The following RGS7 variants were observed in gnomAD, a reference collection of about 807,000 sequenced individuals.
RGS7 encodes regulator of G-protein signaling 7.
A neutral mutation model predicts 81.1 loss-of-function variants in RGS7; 27 were observed. The ratio of observed to expected loss-of-function variants is 0.33; its 90% CI spans 0.25 to 0.46. RGS7 has a LOEUF of 0.46. Ranked by LOEUF, RGS7 falls within the 20% of genes least tolerant of loss-of-function variation. The probability of loss-of-function intolerance (pLI) is 1.00; values close to 1 mark genes in which losing one functional copy is unlikely to be tolerated. For missense variants in RGS7, 396 were observed against 607.4 expected, an observed-to-expected ratio of 0.65 and a Z score of 3.66; for synonymous variants, 208 against 207.7, an observed-to-expected ratio of 1.00 and a Z score of -0.01.
intron 4 of RGS7, among the ~76,000 whole-genome samples, chr1:240,944,075 T>A (rs1678061951): frequency 6.6e-6 from 1 of 151,826 alleles, no homozygotes; most frequent in African/African-American, 2.4e-5. Context: ...AGTTATGACA[T>A]CTTAGGCATT....
At chr1:241,200,980 T>G (rs2073458260) in intron 2 of RGS7, among the ~76,000 whole-genome samples, 1 of 152,220 alleles carries the variant, frequency 6.6e-6, no homozygotes, top group South Asian at 2.1e-4. Context: ...CTTCAAGTCC[T>G]GTTGATACAT....
chr1:241,327,880 T>C (rs2081708831), intron 2 of RGS7, among the ~76,000 whole-genome samples: 1 of 152,186 alleles, frequency 6.6e-6, no homozygotes, highest in Non-Finnish European at 1.5e-5. Flanking sequence ...CAATTTTTGA[T>C]AGAAAAAGGC....
chr1:241,264,892 G>GA (rs1235974831), intron 2 of RGS7, among the ~76,000 whole-genome samples: 1 of 152,130 alleles, frequency 6.6e-6, no homozygotes, highest in Non-Finnish European at 1.5e-5. Context: ...TGACATCTTG[G>GA]AAAAAACAGG....
chr1:240,959,923 G>A (rs1280294787), intron 4 of RGS7, among the ~76,000 whole-genome samples: 1 of 152,038 alleles, frequency 6.6e-6, no homozygotes, highest in African/African-American at 2.4e-5. Context: ...ACTTTGGGAG[G>A]CTGAGGTGGG....
chr1:240,962,809 T>C (rs374478560), intron 4 of RGS7, among the ~76,000 whole-genome samples: 2 of 152,292 alleles, frequency 1.3e-5, no homozygotes, highest in East Asian at 3.9e-4. Flanking sequence ...AGGGATATAA[T>C]GTCATTTGAG....
chr1:241,081,655 T>A (rs2063140532), intron 3 of RGS7, among the ~76,000 whole-genome samples: 1 of 152,246 alleles, frequency 6.6e-6, no homozygotes, highest in Admixed American at 6.5e-5. Flanking sequence ...CAGGTTCCCA[T>A]GTAGGGATGA....
intron 9 of RGS7, among the ~76,000 whole-genome samples, chr1:240,830,247 G>T (rs1238596481): frequency 1.3e-5 from 2 of 152,234 alleles, no homozygotes; most frequent in Non-Finnish European, 2.9e-5. Flanking sequence ...AGGCACAGAA[G>T]ATCTAAGAAT....
At chr1:241,187,775 T>C (rs1244367306) in intron 2 of RGS7, among the ~76,000 whole-genome samples, 1 of 152,224 alleles carries the variant, frequency 6.6e-6, no homozygotes, top group Non-Finnish European at 1.5e-5. Flanking sequence ...AAAGTTACTT[T>C]CTATGGCTAG....
intron 2 of RGS7, among the ~76,000 whole-genome samples, chr1:241,100,143 A>C (rs2064610433): frequency 6.6e-6 from 1 of 152,090 alleles, no homozygotes; most frequent in African/African-American, 2.4e-5. Context: ...TGGGAGGCCG[A>C]GGCGGGCGGA....
rs143103795 is a variant in RGS7, at chr1:240,868,117, G to GAAAGAAAGAAAGAAAGAAA, written c.609+469_609+470insTTTCTTTCTTTCTTTCTTT. Among the ~76,000 whole-genome samples, 1 of 122,444 alleles carries GAAAGAAAGAAAGAAAGAAA rather than the reference G, an allele frequency of 8.2e-6. No homozygotes were observed. The highest frequency in any genetic ancestry group is 4.0e-5 in the African/African-American group (1 of 24,730). 80.3% of individuals were successfully genotyped at this position (122,444 alleles called of 152,430 possible). A position where few individuals can be genotyped will look rare whatever the true frequency, so the allele number is the denominator to read the frequency against. On this transcript the variant is annotated intron_variant, in intron 9 of 18. Transcript: ENST00000440928. The surrounding 1 kb of genome is among the most constrained non-coding windows in gnomAD (Gnocchi z 5.1). ...GAAAAGAAAAAGAAAGAAAAGAAAA[G>GAAAGAAAGAAAGAAAGAAA]GAAAGAAAGAAAGAAAGAAAGAAAG...
At position 241,329,026 on chromosome 1, in the gene RGS7, T is replaced by C. The variant is rs181746207; in HGVS notation, c.78+26673A>G. Reference sequence around the variant, plus strand: ...ATAATGTTTTCTTTCATTTTCCATATGGGCAACATAAAGGAGTGAAAATAA... The same window carrying C: ...ATAATGTTTTCTTTCATTTTCCATACGGGCAACATAAAGGAGTGAAAATAA... On this transcript the variant is annotated intron_variant, in intron 2 of 18. Coordinates refer to ENST00000440928, the MANE Select transcript of RGS7 (RefSeq NM_001364886.1). 6.9e-4 allele frequency among the ~76,000 whole-genome samples: 105 copies of C among 152,352 alleles called. 1 individual carries two copies. Among genetic ancestry groups the C allele is most frequent in the Admixed American group, 2.0e-3 (30 of 15,306 alleles).
intron 3 of RGS7, among the ~76,000 whole-genome samples, chr1:241,083,073 A>G (rs185615394): frequency 1.6e-4 from 24 of 152,032 alleles, no homozygotes; most frequent in Admixed American, 3.9e-4. Context: ...AAAAATACAA[A>G]AATTAGTCAG....
chr1:240,814,633 C>G, intron 12 of RGS7, 83 bp downstream of exon 12: 1 of 858,450 alleles, frequency 1.2e-6, no homozygotes, highest in Non-Finnish European at 2.0e-6. Flanking sequence ...CAACTCCTGT[C>G]CCCACAGTTC....
chr1:241,078,485 ATG>A (rs60742879), intron 3 of RGS7, among the ~76,000 whole-genome samples: 44 of 143,508 alleles, frequency 3.1e-4, no homozygotes, highest in Admixed American at 4.9e-4. Context: ...CACGTAAGTT[ATG>A]TGTGTGTGTG....
intron 2 of RGS7, among the ~76,000 whole-genome samples, chr1:241,172,532 TC>T (rs1322577464): frequency 6.6e-6 from 1 of 152,080 alleles, no homozygotes; most frequent in Non-Finnish European, 1.5e-5. Context: ...AAGATACCAT[TC>T]ATAGTTTAAG....
intron 6 of RGS7, among the ~76,000 whole-genome samples, chr1:240,874,805 C>A (rs1665088630): frequency 6.6e-6 from 1 of 152,120 alleles, no homozygotes; most frequent in Admixed American, 6.5e-5. Context: ...GTTTGGGAGG[C>A]TGAGGTGGGC....
At chr1:240,932,610 G>A (rs1406298771) in intron 5 of RGS7, among the ~76,000 whole-genome samples, 3 of 149,070 alleles carry the variant, frequency 2.0e-5, no homozygotes, top group African/African-American at 5.0e-5. Flanking sequence ...CCGGGTTCAC[G>A]CCATTCTCCT....
At chr1:241,174,992 T>C (rs1481575869) in intron 2 of RGS7, among the ~76,000 whole-genome samples, 1 of 128,802 alleles carries the variant, frequency 7.8e-6, no homozygotes, top group Non-Finnish European at 1.6e-5. Flanking sequence ...AACCTCCGCC[T>C]CCCAGGTTCA....
Position 241,049,226 on chromosome 1 carries a change from C to T in RGS7, c.175+49440G>A, listed in dbSNP as rs117507538. 3.6e-3 allele frequency among the ~76,000 whole-genome samples: 544 copies of T among 152,264 alleles called. 25 individuals carry two copies. In the East Asian group the frequency reaches 0.087, roughly 24 times the overall value. On this transcript the variant is annotated intron_variant, in intron 3 of 18. Coordinates refer to ENST00000440928, the MANE Select transcript of RGS7 (RefSeq NM_001364886.1). ...ACTAAGATTGAAAACCTGGCAACAT[C>T]GACTTAAATATATTTGAGTGTGTTA...
Sources: gnomAD v4.1 joint callset for allele counts (sites outside exome capture counted in the v4.1 genomes callset) on GRCh38, gnomAD v4.1.1 for gene constraint, Gnocchi (gnomAD v3.1) non-coding constraint, MANE v1.5 for transcripts, NCBI Gene and HGNC (gene_info 2026-07-23, HGNC 2026-07-21) for gene names.